PCNX1: variants seen among roughly 807,000 people sequenced by gnomAD.
PCNX1 encodes the protein pecanex 1.
Under a neutral mutation model 242.2 loss-of-function variants are expected in PCNX1, and 78 were observed. The observed-to-expected ratio is 0.32, with a 90% CI of 0.27 to 0.39. The LOEUF is 0.39. PCNX1 is among the 10% of genes least tolerant of loss of function. The pLI, the probability that PCNX1 is intolerant of heterozygous loss-of-function variation, is 1.00. For synonymous variants in PCNX1, 1,024 were observed against 1,032.9 expected, an observed-to-expected ratio of 0.99 and a Z score of 0.17; for missense variants, 2,581 against 2,856.5, an observed-to-expected ratio of 0.90 and a Z score of 2.20.
At chr14:71,039,079 G>A (rs1595342726) in intron 19 of PCNX1, among the ~76,000 whole-genome samples, 2 of 152,002 alleles carry the variant, frequency 1.3e-5, no homozygotes, top group South Asian at 4.2e-4. Context: ...TTGTGGGATG[G>A]GGGTAGTGGG....
intron 1 of PCNX1, among the ~76,000 whole-genome samples, chr14:70,911,295 G>A (rs929389499): frequency 5.3e-5 from 8 of 151,942 alleles, no homozygotes; most frequent in African/African-American, 1.9e-4. Context: ...CCCAAAAAGT[G>A]CCTAAATCTG....
intron 33 of PCNX1, among the ~76,000 whole-genome samples, chr14:71,106,177 C>G (rs553933841): frequency 6.6e-6 from 1 of 151,862 alleles, no homozygotes; most frequent in Admixed American, 6.6e-5. Flanking sequence ...CTGCGCCCAA[C>G]TAATTTTTTT....
rs748598585 is a variant in PCNX1 at position 70,977,462 on chromosome 14, C to T, written c.1125C>T (p.Ser375=). ...EKSMDSLRSL[S]TRSSGSTESY... ...GCATGGACAGCTTGAGGAGCCTGAG[C>T]ACACGGAGTAGTGGGTCAACAGAAA... The change falls in exon 6 of 36, where the codon AGC becomes AGT. Residue 375 remains serine, a synonymous_variant. Transcript: ENST00000304743. 2 of 1,614,080 alleles carry T rather than the reference C, an allele frequency of 1.2e-6. No individual in the cohort carries two copies. Among genetic ancestry groups the T allele is most frequent in the Non-Finnish European group, 1.7e-6 (2 of 1,180,014 alleles).
intron 22 of PCNX1, among the ~76,000 whole-genome samples, chr14:71,049,736 T>G (rs1357463786): frequency 3.9e-5 from 6 of 152,228 alleles, no homozygotes; most frequent in African/African-American, 1.4e-4. Context: ...TCTACATTTT[T>G]TAATTGGTTG....
chr14:70,991,642 A>C (rs533416141), intron 7 of PCNX1, among the ~76,000 whole-genome samples: 1 of 152,336 alleles, frequency 6.6e-6, no homozygotes, highest in South Asian at 2.1e-4. Context: ...TGATTTCATC[A>C]TGGGTAAAGT....
intron 18 of PCNX1, among the ~76,000 whole-genome samples, chr14:71,035,108 G>T (rs989051528): frequency 2.0e-5 from 3 of 152,128 alleles, no homozygotes; most frequent in Non-Finnish European, 4.4e-5. Flanking sequence ...CTACTTGGGA[G>T]ACTAAGGCTG....
Position 71,033,936 on chromosome 14 carries a change from T to C in PCNX1, c.3674T>C (p.Leu1225Ser), listed in dbSNP as rs757189265. The change falls in exon 18 of 36, where the codon TTA becomes TCA. Residue 1225 changes from leucine to serine, a missense_variant. By Grantham distance (145) the Leu-to-Ser change is moderately radical. Coordinates refer to ENST00000304743, the MANE Select transcript of PCNX1 (RefSeq NM_014982.3). ...TTTTTTTTCTTCACATAAAGCTCTTTAGTGCAATCCAAGATTTTTCCAAAA... is the reference window on the plus strand; with the variant it reads ...TTTTTTTTCTTCACATAAAGCTCTTCAGTGCAATCCAAGATTTTTCCAAAA... The part of the protein sequence containing the change: ...QSSDPSVLFS[L>S]VQSKIFPKTE... 7 of 1,570,340 alleles carry C rather than the reference T, an allele frequency of 4.5e-6. No individual in the cohort carries two copies. The East Asian group carries it at 9.0e-5, about 20-fold the overall frequency.
At chr14:70,968,142 A>T (rs1392760251) in intron 3 of PCNX1, 56 bp from the exon 4 acceptor site, 6 of 1,207,402 alleles carry the variant, frequency 5.0e-6, no homozygotes, top group Admixed American at 3.5e-5. Flanking sequence ...GTGTGTATTG[A>T]TAATGACATA....
At chr14:71,107,614 A>G (rs1043080543) in intron 33 of PCNX1, among the ~76,000 whole-genome samples, 1 of 152,220 alleles carries the variant, frequency 6.6e-6, no homozygotes, top group Admixed American at 6.5e-5. Context: ...ATATCAAGCC[A>G]CTTGAAAAAG....
intron 1 of PCNX1, among the ~76,000 whole-genome samples, chr14:70,935,178 AC>A (rs2056952108): frequency 6.6e-6 from 1 of 152,222 alleles, no homozygotes; most frequent in Non-Finnish European, 1.5e-5. Flanking sequence ...TTCATCAGGT[AC>A]TGGTTTCCAG....
chr14:70,965,616 T>C (rs1032791232), intron 3 of PCNX1, among the ~76,000 whole-genome samples: 4 of 132,422 alleles, frequency 3.0e-5, no homozygotes, highest in Non-Finnish European at 6.1e-5. Context: ...TGAGCTGAGA[T>C]GGCACCACTG....
intron 2 of PCNX1, among the ~76,000 whole-genome samples, chr14:70,947,546 C>T (rs2140308747): frequency 6.6e-6 from 1 of 152,342 alleles, no homozygotes; most frequent in Middle Eastern, 3.4e-3. Context: ...ACATTTATCA[C>T]TTCCTCAATC....
intron 8 of PCNX1, among the ~76,000 whole-genome samples, chr14:71,005,497 G>T (rs2059628392): frequency 6.7e-6 from 1 of 148,876 alleles, no homozygotes; most frequent in Non-Finnish European, 1.5e-5. Flanking sequence ...GACAGAGTGA[G>T]TCTCTGTCTA....
At chr14:71,019,558 T>C (rs2060043098) in intron 12 of PCNX1, among the ~76,000 whole-genome samples, 1 of 152,044 alleles carries the variant, frequency 6.6e-6, no homozygotes, top group South Asian at 2.1e-4. Flanking sequence ...CATGCCACCA[T>C]GGCTGGCTAA....
chr14:70,949,319 ACACGTGTATACACG>A (rs1220126270), intron 2 of PCNX1, among the ~76,000 whole-genome samples: 1 of 147,266 alleles, frequency 6.8e-6, no homozygotes, highest in Non-Finnish European at 1.5e-5. Context: ...GTGTAGATAC[ACACGTGTATACACG>A]CACGTGCATA....
chr14:71,085,490 A>G (rs562056114), intron 28 of PCNX1: 24 of 152,608 alleles, frequency 1.6e-4, no homozygotes, highest in African/African-American at 5.8e-4. Context: ...CAGGATCGAC[A>G]GAATGATCAA....
chr14:70,933,728 A>G (rs1312062188), intron 1 of PCNX1, among the ~76,000 whole-genome samples: 1 of 152,226 alleles, frequency 6.6e-6, no homozygotes, highest in African/African-American at 2.4e-5. Context: ...GAAGAATAAT[A>G]GAGCCATGAG....
intron 28 of PCNX1, among the ~76,000 whole-genome samples, chr14:71,079,108 T>A: frequency 6.6e-6 from 1 of 152,242 alleles, no homozygotes; most frequent in Non-Finnish European, 1.5e-5. Context: ...TGTTTGGTTT[T>A]CTGTCCCTGT....
At chr14:70,957,620 A>G (rs946773843) in intron 2 of PCNX1, among the ~76,000 whole-genome samples, 1 of 152,138 alleles carries the variant, frequency 6.6e-6, no homozygotes, top group African/African-American at 2.4e-5. Flanking sequence ...GCTAAGGAGG[A>G]TGGAAAGGGA....
Sources: allele counts gnomAD v4.1 joint callset (sites outside exome capture counted in the v4.1 genomes callset), GRCh38; gene constraint gnomAD v4.1.1; transcripts MANE v1.5; gene names NCBI Gene and HGNC (gene_info 2026-07-23, HGNC 2026-07-21).